TENM1: variants seen among roughly 807,000 people sequenced by gnomAD.
The protein encoded by TENM1 is teneurin-1.
TENM1 carries 35 observed loss-of-function variants against 174.8 expected under a neutral mutation model. The observed-to-expected ratio is 0.20, with a 90% CI of 0.15 to 0.27. The LOEUF (loss-of-function observed/expected upper bound fraction) is 0.27. Ranked by LOEUF, TENM1 falls within the 10% of genes least tolerant of loss-of-function variation. TENM1 has a pLI of 1.00. For missense variants in TENM1, 1,633 were observed against 2,130.1 expected (o/e 0.77, Z 4.59); for synonymous variants, 781 against 798.7 (o/e 0.98, Z 0.37).
chrX:124,482,529 T>C (rs2046867482), intron 21 of TENM1, among the ~76,000 whole-genome samples: 1 of 111,408 alleles, frequency 9.0e-6, no homozygotes, highest in South Asian at 3.8e-4. Context: ...CTTTCCAAGT[T>C]TCCCTTTTTC....
chrX:124,596,035 C>A (rs983189859), intron 11 of TENM1, among the ~76,000 whole-genome samples: 1 of 111,972 alleles, frequency 8.9e-6, no homozygotes, highest in African/African-American at 3.2e-5. Flanking sequence ...ATAATTTCAA[C>A]AATGTTCATG....
chrX:125,056,335 TAGAG>T, the TENM1 span, among the ~76,000 whole-genome samples: 1 of 111,837 alleles, frequency 8.9e-6, no homozygotes, highest in East Asian at 2.8e-4. Flanking sequence ...AGAATGGTGA[TAGAG>T]AATTTCTTAA....
chrX:124,911,208 A>G (rs2057831191), intron 1 of TENM1, among the ~76,000 whole-genome samples: 1 of 111,536 alleles, frequency 9.0e-6, no homozygotes, highest in African/African-American at 3.3e-5. Context: ...AAGCTACGGC[A>G]CTTGGCCTAT....
chrX:124,653,528 T>A, intron 7 of TENM1, 56 bp downstream of exon 10: 2 of 1,017,529 alleles, frequency 2.0e-6, no homozygotes, highest in Non-Finnish European at 2.7e-6. Context: ...AACCCTGAAC[T>A]GTTCAACCCA....
At chrX:124,881,310 T>C (rs1393986145) in intron 3 of TENM1, among the ~76,000 whole-genome samples, 1 of 112,038 alleles carries the variant, frequency 8.9e-6, no homozygotes, top group Non-Finnish European at 1.9e-5. Flanking sequence ...TCCAGTTTGT[T>C]AGTGTATAGT....
chrX:124,553,500 C>CA (rs1345991005), intron 14 of TENM1, among the ~76,000 whole-genome samples: 2,820 of 79,521 alleles, frequency 0.035, 133 homozygotes, highest in African/African-American at 0.12. Context: ...AACTCCATCT[C>CA]AAAAAAAAAA....
chrX:124,844,631 C>T (rs1383128516), intron 3 of TENM1, among the ~76,000 whole-genome samples: 1 of 111,342 alleles, frequency 9.0e-6, no homozygotes, highest in Non-Finnish European at 1.9e-5. Flanking sequence ...GGCCCTTCCA[C>T]AGAACTAATA....
At chrX:125,110,010 A>G in the TENM1 span, among the ~76,000 whole-genome samples, 1 of 111,619 alleles carries the variant, frequency 9.0e-6, no homozygotes, top group Non-Finnish European at 1.9e-5. Context: ...GAAGGAAAGG[A>G]TGCATTGATG....
chrX:124,911,862 T>G (rs767888023), intron 1 of TENM1, among the ~76,000 whole-genome samples: 9 of 111,753 alleles, frequency 8.1e-5, no homozygotes, highest in Non-Finnish European at 1.5e-4. Flanking sequence ...TTTACAATTT[T>G]TTTGCATACA....
intron 11 of TENM1, among the ~76,000 whole-genome samples, chrX:124,607,550 C>A (rs1602778192): frequency 9.0e-6 from 1 of 110,867 alleles, no homozygotes; most frequent in African/African-American, 3.3e-5. Flanking sequence ...GTAGCTGGAG[C>A]AGCATGAAAG....
intron 22 of TENM1, among the ~76,000 whole-genome samples, chrX:124,478,418 T>C (rs11797747): frequency 1.5e-3 from 169 of 112,907 alleles, no homozygotes; most frequent in Non-Finnish European, 2.4e-3. Flanking sequence ...TTTCGCTGAC[T>C]GGTTTTTAAC....
At chrX:124,598,617 A>G (rs1364560487) in intron 11 of TENM1, among the ~76,000 whole-genome samples, 2 of 111,772 alleles carry the variant, frequency 1.8e-5, no homozygotes, top group Non-Finnish European at 3.8e-5. Context: ...GATCATTATG[A>G]TAAGTGAAAT....
At chrX:124,575,144 T>C (rs1329161379) in intron 11 of TENM1, among the ~76,000 whole-genome samples, 5 of 112,004 alleles carry the variant, frequency 4.5e-5, no homozygotes, top group African/African-American at 6.5e-5. Flanking sequence ...TCATATCTGT[T>C]TTATTGCATA....
the TENM1 span, among the ~76,000 whole-genome samples, chrX:125,022,394 G>A: frequency 8.9e-6 from 1 of 111,743 alleles, no homozygotes; most frequent in Admixed American, 9.6e-5. Context: ...ATAAGCACCA[G>A]GGTTCGATAA....
At chrX:125,068,987 T>G in the TENM1 span, among the ~76,000 whole-genome samples, 1 of 111,973 alleles carries the variant, frequency 8.9e-6, no homozygotes, top group Non-Finnish European at 1.9e-5. Context: ...CATTATCTTG[T>G]GGCCAACACA....
At chrX:124,940,152 T>C (rs2058305012) in intron 1 of TENM1, among the ~76,000 whole-genome samples, 1 of 111,788 alleles carries the variant, frequency 8.9e-6, no homozygotes, top group Non-Finnish European at 1.9e-5. Flanking sequence ...AAGTACATTC[T>C]GCAGGTCCTA....
the TENM1 span, among the ~76,000 whole-genome samples, chrX:124,988,293 A>G: frequency 8.9e-6 from 1 of 112,061 alleles, no homozygotes; most frequent in Non-Finnish European, 1.9e-5. Flanking sequence ...ACATTTAGGA[A>G]CAACTTTGTA....
At chrX:124,966,438 G>A (rs781684820), upstream of TENM1, among the ~76,000 whole-genome samples, 32 of 110,755 alleles carry the variant, frequency 2.9e-4, no homozygotes, top group South Asian at 5.3e-3. Context: ...CGAGGCGGGC[G>A]GATCACGAGG....
intron 29 of TENM1, 134 bp from the exon 33 acceptor site, chrX:124,384,988 C>T: frequency 1.9e-6 from 1 of 532,030 alleles, no homozygotes; most frequent in Non-Finnish European, 2.8e-6. Flanking sequence ...TCTCTGATAT[C>T]AAATGCCTGG....
Sources: gnomAD v4.1 joint callset for allele counts (sites outside exome capture counted in the v4.1 genomes callset) on GRCh38, gnomAD v4.1.1 for gene constraint, MANE v1.5 for transcripts, NCBI Gene and HGNC (gene_info 2026-07-23, HGNC 2026-07-21) for gene names.